The following CNTNAP2 variants were observed in gnomAD, a reference collection of about 807,000 sequenced individuals.
CNTNAP2 encodes contactin-associated protein-like 2.
A neutral mutation model predicts 155.2 loss-of-function variants in CNTNAP2; 98 were observed. The ratio of observed to expected loss-of-function variants is 0.63; its 90% CI spans 0.54 to 0.75. CNTNAP2 has a LOEUF of 0.75. CNTNAP2 is among the 30% of genes least tolerant of loss of function. The pLI is 0.00. For synonymous variants in CNTNAP2, 651 were observed against 631.2 expected (o/e 1.03, Z -0.47); for missense variants, 1,727 against 1,688.1 (o/e 1.02, Z -0.40).
intron 8 of CNTNAP2, among the ~76,000 whole-genome samples, chr7:147,286,818 A>C (rs1390858418): frequency 1.3e-5 from 2 of 151,970 alleles, no homozygotes; most frequent in Non-Finnish European, 2.9e-5. Context: ...CACTCCAATC[A>C]ACATTCTCCT....
At chr7:147,783,856 C>G (rs1337388970) in intron 13 of CNTNAP2, among the ~76,000 whole-genome samples, 3 of 152,150 alleles carry the variant, frequency 2.0e-5, no homozygotes, top group African/African-American at 4.8e-5. Flanking sequence ...AATTTACTAG[C>G]AGCTGTAACT....
At chr7:148,216,739 G>A (rs954550633) in intron 18 of CNTNAP2, among the ~76,000 whole-genome samples, 8 of 152,030 alleles carry the variant, frequency 5.3e-5, no homozygotes, top group Non-Finnish European at 7.4e-5. Context: ...ATATGGTTTG[G>A]CTCTGTCCCC....
At chr7:146,413,788 C>T (rs947489497) in intron 1 of CNTNAP2, among the ~76,000 whole-genome samples, 1 of 152,108 alleles carries the variant, frequency 6.6e-6, no homozygotes, top group Non-Finnish European at 1.5e-5. Context: ...GGGGGACTTT[C>T]AAAATAAGCC....
At chr7:147,490,539 A>AT (rs1409599045) in intron 11 of CNTNAP2, among the ~76,000 whole-genome samples, 1 of 152,190 alleles carries the variant, frequency 6.6e-6, no homozygotes, top group African/African-American at 2.4e-5. Flanking sequence ...TTTCAAAATA[A>AT]ATTGAATTCT....
At chr7:146,354,367 G>A (rs1410222102) in intron 1 of CNTNAP2, among the ~76,000 whole-genome samples, 2 of 151,018 alleles carry the variant, frequency 1.3e-5, no homozygotes, top group Non-Finnish European at 2.9e-5. Flanking sequence ...AATTATTATT[G>A]TAGACACAGG....
At position 147,432,548 on chromosome 7, in the gene CNTNAP2, A is replaced by G. The variant is rs541782548; in HGVS notation, c.1670+36768A>G. Among the ~76,000 whole-genome samples the G allele has an allele frequency of 6.6e-5, 10 of 152,346 alleles. No individual in the cohort carries two copies. The South Asian group carries it at 1.9e-3, about 28-fold the overall frequency. On this transcript the variant is annotated intron_variant, in intron 10 of 23. Transcript: ENST00000361727. ...GTGAGTCTCATTGGTTATCTAAAATATGCTTCACAAAATTTGCCCAGCAAA... is the reference window on the plus strand; with the variant it reads ...GTGAGTCTCATTGGTTATCTAAAATGTGCTTCACAAAATTTGCCCAGCAAA...
chr7:147,751,895 T>G (rs940948663), intron 13 of CNTNAP2, among the ~76,000 whole-genome samples: 1 of 152,214 alleles, frequency 6.6e-6, no homozygotes, highest in Non-Finnish European at 1.5e-5. Context: ...ATGATGTTAT[T>G]CCTATTTACT....
intron 13 of CNTNAP2, among the ~76,000 whole-genome samples, chr7:147,699,459 G>A (rs1054805894): frequency 2.6e-5 from 4 of 152,026 alleles, no homozygotes; most frequent in South Asian, 2.1e-4. Context: ...GTGGGGTGGG[G>A]GGCAAGGGGA....
chr7:148,072,356 C>T lies in CNTNAP2; in HGVS notation c.2384-45762C>T, dbSNP rs114553855. ...TCAGGCTTTTTGAGCCATGTGGTGT[C>T]GGTCACAACTTTTCAACTCTGCCAT... On this transcript the variant is annotated intron_variant, in intron 15 of 23. Transcript: ENST00000361727. 4.0e-3 allele frequency among the ~76,000 whole-genome samples: 615 copies of T among 152,094 alleles called. 7 individuals carry two copies. The highest frequency in any genetic ancestry group is 0.014 in the African/African-American group (587 of 41,494).
chr7:147,772,366 G>A lies in CNTNAP2; in HGVS notation c.2099-131199G>A, dbSNP rs149094549. 7.5e-3 allele frequency among the ~76,000 whole-genome samples: 1,093 copies of A among 145,284 alleles called. 10 individuals carry two copies. The highest frequency in any genetic ancestry group is 0.027 in the African/African-American group (1,047 of 39,020). ...CGGGAGTTGGAGGTTGCAGTGAGCC[G>A]AGATCGTGCCACAGCAGAGTGACAC... On this transcript the variant is annotated intron_variant, in intron 13 of 23. Transcript: ENST00000361727.
chr7:147,726,519 G>T (rs9986693), intron 13 of CNTNAP2, among the ~76,000 whole-genome samples: 6,326 of 152,008 alleles, frequency 0.042, 410 homozygotes, highest in African/African-American at 0.14. Context: ...GTTAAGGGCA[G>T]GGGGAAGAGA....
intron 15 of CNTNAP2, among the ~76,000 whole-genome samples, chr7:148,066,599 G>A (rs1028887466): frequency 7.3e-4 from 111 of 151,798 alleles, no homozygotes; most frequent in South Asian, 6.2e-4. Context: ...CTGGATTCAC[G>A]CCATTCTCCT....
chr7:146,935,042 T>C (rs1479651582), intron 3 of CNTNAP2, among the ~76,000 whole-genome samples: 1 of 152,238 alleles, frequency 6.6e-6, no homozygotes, highest in Non-Finnish European at 1.5e-5. Context: ...GTTCATGACC[T>C]TGTGTTCATA....
chr7:147,476,462 G>GT (rs142399572), intron 10 of CNTNAP2, among the ~76,000 whole-genome samples: 27,065 of 151,986 alleles, frequency 0.18, 3,063 homozygotes, highest in Non-Finnish European at 0.25. Flanking sequence ...TTTCCCGTTA[G>GT]TAGTGTTTGT....
chr7:148,414,987 C>CTCTA (rs1282282992), intron 23 of CNTNAP2: 8 of 292,642 alleles, frequency 2.7e-5, no homozygotes, highest in East Asian at 8.3e-5. Flanking sequence ...CGCGCGCCCA[C>CTCTA]TCTATCTCCC....
chr7:146,943,835 A>G (rs1456381412), intron 3 of CNTNAP2, among the ~76,000 whole-genome samples: 1 of 152,178 alleles, frequency 6.6e-6, no homozygotes, highest in African/African-American at 2.4e-5. Flanking sequence ...GCAATACTCA[A>G]TTACTGGAGA....
At chr7:147,693,770 A>G (rs1418821400) in intron 13 of CNTNAP2, among the ~76,000 whole-genome samples, 1 of 152,016 alleles carries the variant, frequency 6.6e-6, no homozygotes, top group East Asian at 1.9e-4. Context: ...TACATAGACA[A>G]TGATGTCATC....
chr7:146,125,607 G>GAATAACT (rs1375041178), intron 1 of CNTNAP2, among the ~76,000 whole-genome samples: 3 of 103,160 alleles, frequency 2.9e-5, no homozygotes, highest in Non-Finnish European at 6.0e-5. Flanking sequence ...AAAAAAAAAA[G>GAATAACT]AATAACTATT....
rs114880105 is a variant in CNTNAP2 at position 146,193,512 on chromosome 7, C to T, written c.97+76539C>T. On this transcript the variant is annotated intron_variant, in intron 1 of 23. Transcript: ENST00000361727. ...GGCTTGCACCCTCTGAAGCCACAGCCGAAGTTGTACCTTAGCCTTTTTTAG... is the reference window on the plus strand; with the variant it reads ...GGCTTGCACCCTCTGAAGCCACAGCTGAAGTTGTACCTTAGCCTTTTTTAG... Among the ~76,000 whole-genome samples, 740 of 152,300 alleles carry T rather than the reference C, an allele frequency of 4.9e-3. 4 individuals carry two copies. Among genetic ancestry groups the T allele is most frequent in the African/African-American group, 0.017 (698 of 41,570 alleles).
Sources: allele counts gnomAD v4.1 joint callset (sites outside exome capture counted in the v4.1 genomes callset), GRCh38; gene constraint gnomAD v4.1.1; transcripts MANE v1.5; gene names NCBI Gene and HGNC (gene_info 2026-07-23, HGNC 2026-07-21).